PACRG: variants seen among roughly 807,000 people sequenced by gnomAD.
PACRG encodes the protein parkin coregulated.
A neutral mutation model predicts 29.7 loss-of-function variants in PACRG; 29 were observed. The ratio of observed to expected loss-of-function variants is 0.98; its 90% CI spans 0.73 to 1.33. The LOEUF (loss-of-function observed/expected upper bound fraction) is 1.33. PACRG is among the 40% of genes most tolerant of loss of function. The probability of loss-of-function intolerance (pLI) is 0.00; values close to 1 mark genes in which losing one functional copy is unlikely to be tolerated. For missense variants in PACRG, 279 were observed against 316.2 expected (o/e 0.88, Z 0.89); for synonymous variants, 116 against 118.7 (o/e 0.98, Z 0.15).
intron 2 of PACRG, chr6:162,957,335 T>G (rs1800126939): frequency 1.7e-6 from 1 of 599,968 alleles, no homozygotes; most frequent in Non-Finnish European, 3.0e-6. Context: ...CATTTAGCAC[T>G]CATGGAACCA....
intron 2 of PACRG, among the ~76,000 whole-genome samples, chr6:163,045,975 G>A (rs1028271324): frequency 1.3e-5 from 2 of 152,044 alleles, no homozygotes; most frequent in Admixed American, 6.5e-5. Context: ...AGGTCAGCCT[G>A]CACTTCAGAC....
At chr6:162,961,807 T>C (rs1347312784) in intron 2 of PACRG, among the ~76,000 whole-genome samples, 5 of 152,166 alleles carry the variant, frequency 3.3e-5, no homozygotes, top group Non-Finnish European at 7.4e-5. Context: ...ATGATGCATC[T>C]AAGCTGTGAG....
rs913415146 is a variant in PACRG at position 163,294,183 on chromosome 6, A to T, written c.614-20644A>T. Among the ~76,000 whole-genome samples, 8 of 152,338 alleles carry T rather than the reference A, an allele frequency of 5.3e-5. No individual in the cohort carries two copies. In the East Asian group the frequency reaches 1.5e-3, roughly 29 times the overall value. ...TGTATTAAAATATTTTTCATAAAAC[A>T]TTAAAAATATATTAATGAGAATTTA... On this transcript the variant is annotated intron_variant, in intron 4 of 4. Coordinates refer to ENST00000366888, the MANE Select transcript of PACRG (RefSeq NM_001080379.2).
intron 4 of PACRG, among the ~76,000 whole-genome samples, chr6:163,109,490 CA>C (rs1446754265): frequency 1.3e-5 from 2 of 152,192 alleles, no homozygotes; most frequent in Admixed American, 6.5e-5. Context: ...GAATGCTGGA[CA>C]AAATTGTAGT....
chr6:162,815,525 T>C (rs773701825), intron 2 of PACRG, among the ~76,000 whole-genome samples: 7 of 151,400 alleles, frequency 4.6e-5, no homozygotes, highest in Non-Finnish European at 8.8e-5. Flanking sequence ...AGGAACTTGG[T>C]AGTATCCTTA....
At chr6:162,938,793 A>G (rs925622410) in intron 2 of PACRG, among the ~76,000 whole-genome samples, 2 of 151,988 alleles carry the variant, frequency 1.3e-5, no homozygotes, top group South Asian at 2.1e-4. Context: ...TGCCATTTGT[A>G]TGTCTTTTTT....
intron 2 of PACRG, among the ~76,000 whole-genome samples, chr6:162,870,101 C>T (rs1792673281): frequency 6.6e-6 from 1 of 152,178 alleles, no homozygotes. Flanking sequence ...GGGAGCCCCT[C>T]CTGGGTTTGG....
chr6:162,936,297 G>A (rs191974099), intron 2 of PACRG, among the ~76,000 whole-genome samples: 209 of 152,270 alleles, frequency 1.4e-3, no homozygotes, highest in Admixed American at 2.4e-3. Flanking sequence ...GGGACACAGC[G>A]AAACTCTATC....
At chr6:163,209,287 A>G (rs934733303) in intron 4 of PACRG, among the ~76,000 whole-genome samples, 6 of 152,194 alleles carry the variant, frequency 3.9e-5, no homozygotes, top group African/African-American at 1.4e-4. Flanking sequence ...GACTAGCTGG[A>G]GTAGATCTAA....
At chr6:163,240,103 T>A (rs887011372) in intron 4 of PACRG, among the ~76,000 whole-genome samples, 7 of 151,310 alleles carry the variant, frequency 4.6e-5, no homozygotes, top group African/African-American at 1.7e-4. Flanking sequence ...CACACACAAC[T>A]GACGCTGGCT....
chr6:162,941,373 T>C (rs1798619145), intron 2 of PACRG, among the ~76,000 whole-genome samples: 1 of 152,212 alleles, frequency 6.6e-6, no homozygotes, highest in Non-Finnish European at 1.5e-5. Context: ...TGCCACATGC[T>C]GCCCTGGATT....
At chr6:162,804,859 T>A (rs1786185040) in intron 1 of PACRG, among the ~76,000 whole-genome samples, 1 of 152,192 alleles carries the variant, frequency 6.6e-6, no homozygotes, top group Non-Finnish European at 1.5e-5. Context: ...AATGTGGGGA[T>A]CCATTCATGC....
At chr6:162,788,335 C>A (rs1342413445) in intron 1 of PACRG, among the ~76,000 whole-genome samples, 1 of 152,140 alleles carries the variant, frequency 6.6e-6, no homozygotes, top group African/African-American at 2.4e-5. Context: ...CTTTTCATGG[C>A]TTGATAGCTC....
chr6:163,135,253 A>T (rs994562905), intron 4 of PACRG, among the ~76,000 whole-genome samples: 2 of 151,690 alleles, frequency 1.3e-5, no homozygotes, highest in Non-Finnish European at 2.9e-5. Flanking sequence ...CAGTGGCACA[A>T]TCTCGGCTCA....
In PACRG at chr6:163,055,914, A is replaced by G. The variant is rs1328747757; in HGVS notation, c.292-6236A>G. ...TGGATTTGTCTATTCCGAACGTTTC[A>G]TAGAAATGGAATCGTACAGTATGTG... On this transcript the variant is annotated intron_variant, in intron 2 of 4. Transcript: ENST00000366888. The surrounding 1 kb of genome is among the most constrained non-coding windows in gnomAD (Gnocchi z 4.0). 6.6e-6 allele frequency among the ~76,000 whole-genome samples: 1 copy of G among 152,186 alleles called. No individual in the cohort carries two copies. The highest frequency in any genetic ancestry group is 1.5e-5 in the Non-Finnish European group (1 of 68,040).
intron 4 of PACRG, among the ~76,000 whole-genome samples, chr6:163,297,408 G>A (rs574576593): frequency 6.6e-6 from 1 of 152,250 alleles, no homozygotes; most frequent in African/African-American, 2.4e-5. Flanking sequence ...AGTTTCCACT[G>A]CTACTGGTCT....
At chr6:163,276,720 G>A (rs1311503155) in intron 4 of PACRG, among the ~76,000 whole-genome samples, 1 of 152,204 alleles carries the variant, frequency 6.6e-6, no homozygotes, top group Non-Finnish European at 1.5e-5. Flanking sequence ...CTTAGAGAAT[G>A]AGCTTGAGGG....
intron 1 of PACRG, among the ~76,000 whole-genome samples, chr6:162,739,005 G>T (rs1342554237): frequency 6.6e-6 from 1 of 152,082 alleles, no homozygotes; most frequent in African/African-American, 2.4e-5. Context: ...TGTGCATGAA[G>T]GCCAAAGTTC....
chr6:162,960,109 A>C (rs1800487377), intron 2 of PACRG, among the ~76,000 whole-genome samples: 1 of 152,224 alleles, frequency 6.6e-6, no homozygotes. Flanking sequence ...AAAACAACGG[A>C]TGCTGGTGAA....
Sources: allele counts gnomAD v4.1 joint callset (sites outside exome capture counted in the v4.1 genomes callset), GRCh38; gene constraint gnomAD v4.1.1; non-coding constraint Gnocchi (gnomAD v3.1); transcripts MANE v1.5; gene names NCBI Gene and HGNC (gene_info 2026-07-23, HGNC 2026-07-21).